Variants in SMIM36 observed in about 807,000 individuals in gnomAD.
SMIM36 encodes the protein small integral membrane protein 36.
intron 3 of SMIM36, chr17:55,468,226 C>A (rs9910434): frequency 0.52 from 79,729 of 152,238 alleles, 23,261 homozygotes; most frequent in Non-Finnish European, 0.67. Context: ...AGACCGGTCC[C>A]CTGTCTTCGC....
chr17:55,525,808 C>T, the SMIM36 span, among the ~76,000 whole-genome samples: 14 of 152,200 alleles, frequency 9.2e-5, no homozygotes, highest in African/African-American at 3.4e-4. Context: ...CAGGCAGGCG[C>T]CACCATGCCT....
intron 1 of SMIM36, among the ~76,000 whole-genome samples, chr17:55,485,541 G>A (rs949219238): frequency 6.6e-6 from 1 of 151,202 alleles, no homozygotes; most frequent in South Asian, 2.1e-4. Flanking sequence ...CCCCCACCTC[G>A]GCCTCTCAAA....
intron 1 of SMIM36, among the ~76,000 whole-genome samples, chr17:55,508,813 T>G (rs1910129816): frequency 6.6e-6 from 1 of 151,272 alleles, no homozygotes; most frequent in South Asian, 2.1e-4. Context: ...AGCCCAGCTA[T>G]TTGGGAGGCT....
chr17:55,477,468 C>T (rs1284787741), intron 3 of SMIM36, among the ~76,000 whole-genome samples: 1 of 152,138 alleles, frequency 6.6e-6, no homozygotes, highest in Non-Finnish European at 1.5e-5. Context: ...ACTAATTTCC[C>T]CCTTTTTATA....
chr17:55,457,226 G>A (rs191935868), intron 4 of SMIM36, among the ~76,000 whole-genome samples: 303 of 152,126 alleles, frequency 2.0e-3, no homozygotes, highest in African/African-American at 6.9e-3. Context: ...GAGACGGGCG[G>A]ATCACGAGGT....
chr17:55,518,921 G>C, the SMIM36 span, among the ~76,000 whole-genome samples: 1 of 151,654 alleles, frequency 6.6e-6, no homozygotes, highest in Non-Finnish European at 1.5e-5. Flanking sequence ...TTTATCAAAA[G>C]AGAAGAAAAA....
chr17:55,462,708 G>A (rs916979676), intron 4 of SMIM36, among the ~76,000 whole-genome samples: 5 of 152,192 alleles, frequency 3.3e-5, no homozygotes, highest in African/African-American at 1.2e-4. Context: ...CCATACTTTA[G>A]TTTTTTAAGG....
At chr17:55,467,853 G>C (rs11079175) in intron 3 of SMIM36, among the ~76,000 whole-genome samples, 119,042 of 152,022 alleles carry the variant, frequency 0.78, 47,034 homozygotes, top group Middle Eastern at 0.82. Context: ...GTGAAAATAG[G>C]CAGTTCCTGC....
the SMIM36 span, among the ~76,000 whole-genome samples, chr17:55,522,465 A>G: frequency 6.6e-6 from 1 of 152,240 alleles, no homozygotes. Flanking sequence ...CCTCACAATC[A>G]TGGCAGAAGG....
At position 55,501,187 on chromosome 17, in the gene SMIM36, A is replaced by ATC. The variant is rs1567870921; in HGVS notation, c.*174+9691_*174+9692insGA. ...ATATATCTTATATATTATAATATAT[A>ATC]ATATATCTTATATATTATAATATAT... is the stretch of plus-strand genomic sequence containing the variant. On this transcript the variant is annotated intron_variant, in intron 1 of 4. Transcript: ENST00000636752. Among the ~76,000 whole-genome samples the ATC allele has an allele frequency of 1.2e-4, 10 of 83,970 alleles. 1 individual carries two copies. The highest frequency in any genetic ancestry group is 5.8e-4 in the African/African-American group (10 of 17,220). The allele number at this position is 83,970 out of a possible 152,430, so 55.1% of individuals were successfully genotyped here.
intron 3 of SMIM36, among the ~76,000 whole-genome samples, chr17:55,476,678 C>T (rs546607933): frequency 6.6e-6 from 1 of 152,256 alleles, no homozygotes; most frequent in African/African-American, 2.4e-5. Flanking sequence ...AATAATTCTC[C>T]CACCTCAGCC....
chr17:55,479,080 C>A (rs1237603874), intron 2 of SMIM36, among the ~76,000 whole-genome samples: 1 of 152,174 alleles, frequency 6.6e-6, no homozygotes, highest in Non-Finnish European at 1.5e-5. Flanking sequence ...TTCTCCCAGG[C>A]ATTGAGTCAG....
At chr17:55,531,110 T>C in the SMIM36 span, among the ~76,000 whole-genome samples, 2 of 152,174 alleles carry the variant, frequency 1.3e-5, no homozygotes, top group Non-Finnish European at 2.9e-5. Flanking sequence ...ATCACTCCTA[T>C]CATTATCAAC....
intron 1 of SMIM36, among the ~76,000 whole-genome samples, chr17:55,496,942 G>T (rs1392757005): frequency 1.2e-4 from 18 of 152,084 alleles, no homozygotes; most frequent in Admixed American, 1.2e-3. Flanking sequence ...TAAAAATAAC[G>T]GTTCCTCCTC....
At chr17:55,497,897 A>C (rs1909836915) in intron 1 of SMIM36, among the ~76,000 whole-genome samples, 1 of 152,184 alleles carries the variant, frequency 6.6e-6, no homozygotes, top group South Asian at 2.1e-4. Flanking sequence ...CTCATTGCAC[A>C]TCCTAAACAT....
intron 4 of SMIM36, among the ~76,000 whole-genome samples, chr17:55,464,812 C>G (rs1598448208): frequency 6.6e-6 from 1 of 152,238 alleles, no homozygotes; most frequent in African/African-American, 2.4e-5. Context: ...CTTTTCCACT[C>G]AATCTTTTCC....
chr17:55,493,264 ATGT>A (rs1909744399), intron 1 of SMIM36, among the ~76,000 whole-genome samples: 1 of 152,222 alleles, frequency 6.6e-6, no homozygotes, highest in Admixed American at 6.5e-5. Context: ...GGTCCTTGGC[ATGT>A]TGTTAATTAA....
intron 4 of SMIM36, among the ~76,000 whole-genome samples, chr17:55,459,670 C>T (rs548402314): frequency 2.6e-5 from 4 of 152,176 alleles, no homozygotes; most frequent in African/African-American, 9.6e-5. Context: ...ATTTCTCTAC[C>T]CCAAAGGTTT....
chr17:55,459,394 G>A (rs1909096228), intron 4 of SMIM36, among the ~76,000 whole-genome samples: 1 of 152,064 alleles, frequency 6.6e-6, no homozygotes, highest in Admixed American at 6.6e-5. Flanking sequence ...TGAAAATATG[G>A]CAAAACCTAT....
Sources: gnomAD v4.1 joint callset for allele counts (sites outside exome capture counted in the v4.1 genomes callset) on GRCh38, gnomAD v4.1.1 for gene constraint, MANE v1.5 for transcripts, NCBI Gene and HGNC (gene_info 2026-07-23, HGNC 2026-07-21) for gene names.